Variants in PTPN11 observed in about 807,000 individuals in gnomAD.
The protein encoded by PTPN11 is tyrosine-protein phosphatase non-receptor type 11.
In PTPN11, 6 loss-of-function variants were observed where a neutral mutation model predicts 78.8. The ratio of observed to expected loss-of-function variants is 0.08; its 90% CI spans 0.04 to 0.15. The LOEUF is 0.15. Among genes scored for constraint, PTPN11 ranks in the 10% least tolerant of loss-of-function variants. The pLI is 1.00. For missense variants in PTPN11, 386 were observed against 744.8 expected, an observed-to-expected ratio of 0.52 and a Z score of 5.61; for synonymous variants, 221 against 263.5, an observed-to-expected ratio of 0.84 and a Z score of 1.56.
intron 4 of PTPN11, 100 bp downstream of exon 4, chr12:112,453,487 CTTTTA>C (rs1192263927): frequency 2.2e-6 from 2 of 899,186 alleles, no homozygotes; most frequent in Non-Finnish European, 1.7e-6. Flanking sequence ...GTCAGATTGT[CTTTTA>C]TTTATTTATT....
chr12:112,483,729 C>T (rs1362628490), intron 10 of PTPN11, among the ~76,000 whole-genome samples: 2 of 152,150 alleles, frequency 1.3e-5, no homozygotes, highest in African/African-American at 4.8e-5. Context: ...GGCCAGTGCC[C>T]AGGGTGCCTG....
chr12:112,421,014 T>C (rs2037515811), intron 1 of PTPN11, among the ~76,000 whole-genome samples: 1 of 152,146 alleles, frequency 6.6e-6, no homozygotes, highest in Non-Finnish European at 1.5e-5. Flanking sequence ...GTCTGGGTAG[T>C]AATAGACCCT....
intron 8 of PTPN11, 50 bp from the exon 9 acceptor site, chr12:112,477,807 C>A (rs754093748): frequency 6.2e-7 from 1 of 1,609,824 alleles, no homozygotes; most frequent in Admixed American, 1.7e-5. Context: ...TTCCTCATGT[C>A]CTGAAAGTAA....
intron 6 of PTPN11, among the ~76,000 whole-genome samples, chr12:112,459,290 C>A (rs2038211236): frequency 6.6e-6 from 1 of 152,068 alleles, no homozygotes. Context: ...TGGAAAATTT[C>A]TATTATATGC....
chr12:112,480,470 G>A (rs1369273921), intron 9 of PTPN11, among the ~76,000 whole-genome samples: 3 of 151,044 alleles, frequency 2.0e-5, no homozygotes, highest in Non-Finnish European at 2.9e-5. Flanking sequence ...GGATTCAAGC[G>A]ATTTTCCTGC....
chr12:112,505,270 C>T (rs1168088131), intron 15 of PTPN11, among the ~76,000 whole-genome samples: 2 of 152,208 alleles, frequency 1.3e-5, no homozygotes, highest in African/African-American at 4.8e-5. Flanking sequence ...ACCGACATCC[C>T]TTCCAGCTCT....
At chr12:112,457,842 C>T (rs1283725888) in intron 6 of PTPN11, among the ~76,000 whole-genome samples, 1 of 152,178 alleles carries the variant, frequency 6.6e-6, no homozygotes, top group African/African-American at 2.4e-5. Flanking sequence ...TGACAGAAAA[C>T]TTCAAAAACA....
At chr12:112,444,106 A>T (rs1737787196) in intron 1 of PTPN11, among the ~76,000 whole-genome samples, 1 of 151,976 alleles carries the variant, frequency 6.6e-6, no homozygotes, top group South Asian at 2.1e-4. Flanking sequence ...TTAAGTTTCA[A>T]CCTCAGGGGA....
chr12:112,493,464 A>G (rs1005683950), intron 13 of PTPN11, among the ~76,000 whole-genome samples: 2 of 148,970 alleles, frequency 1.3e-5, no homozygotes, highest in Non-Finnish European at 3.0e-5. Context: ...GCCACACTGG[A>G]ACCTCTGCCT....
At chr12:112,485,120 A>G (rs1276138541) in intron 10 of PTPN11, among the ~76,000 whole-genome samples, 1 of 151,944 alleles carries the variant, frequency 6.6e-6, no homozygotes, top group Non-Finnish European at 1.5e-5. Flanking sequence ...GATGTGGTAC[A>G]TGCCTGTAGT....
intron 1 of PTPN11, among the ~76,000 whole-genome samples, chr12:112,422,452 A>T (rs1378693289): frequency 6.6e-6 from 1 of 151,554 alleles, no homozygotes. Context: ...GTATTTTCCA[A>T]CTCTTCCTTC....
At chr12:112,483,223 T>C (rs1431496954) in intron 10 of PTPN11, among the ~76,000 whole-genome samples, 2 of 151,446 alleles carry the variant, frequency 1.3e-5, no homozygotes, top group Non-Finnish European at 2.9e-5. Flanking sequence ...AATCTTGTTC[T>C]GTCACCCAGA....
chr12:112,459,908 TACACACACACACACAC>T (rs56846748), intron 6 of PTPN11, among the ~76,000 whole-genome samples: 2 of 146,884 alleles, frequency 1.4e-5, no homozygotes, highest in South Asian at 2.2e-4. Flanking sequence ...TCCTGATTGC[TACACACACACACACAC>T]ACACACACAC....
At chr12:112,457,304 A>T (rs1050233131) in intron 6 of PTPN11, 13 of 350,510 alleles carry the variant, frequency 3.7e-5, no homozygotes, top group Admixed American at 7.2e-5. Context: ...GCTGAGAATG[A>T]TGGTTTCCAG....
intron 11 of PTPN11, 25 bp from the exon 12 acceptor site, chr12:112,488,418 C>T (rs2135914838): frequency 6.3e-7 from 1 of 1,588,930 alleles, no homozygotes; most frequent in Non-Finnish European, 8.6e-7. Flanking sequence ...TCTGTTGTCC[C>T]TGCTTTTTGT....
chr12:112,424,956 T>TTGTGTGTG lies in PTPN11; in HGVS notation c.14+5877_14+5884dup, dbSNP rs34463047. Among the ~76,000 whole-genome samples, 415 of 89,030 alleles carry TTGTGTGTG rather than the reference T, an allele frequency of 4.7e-3. 2 individuals carry two copies. Among genetic ancestry groups the TTGTGTGTG allele is most frequent in the Middle Eastern group, 6.3e-3 (1 of 160 alleles). The allele number at this position is 89,030 out of a possible 152,430, so 58.4% of individuals were successfully genotyped here. On this transcript the variant is annotated intron_variant, in intron 1 of 15. Transcript: ENST00000351677. ...GGCACACACCACCATGTCAGGCTAA[T>TTGTGTGTG]TGTGTGTGTGTGTGTGTGTGTGTGT...
At chr12:112,479,853 T>C (rs1364660018) in intron 9 of PTPN11, among the ~76,000 whole-genome samples, 1 of 152,162 alleles carries the variant, frequency 6.6e-6, no homozygotes, top group East Asian at 1.9e-4. Flanking sequence ...CTCACCACCA[T>C]GTCCTACTCT....
At chr12:112,444,340 GT>G (rs879299025) in intron 1 of PTPN11, among the ~76,000 whole-genome samples, 36 of 146,706 alleles carry the variant, frequency 2.5e-4, no homozygotes, top group African/African-American at 5.2e-4. Flanking sequence ...GTACTTCCAA[GT>G]TTTTTTTTTT....
chr12:112,493,938 A>G (rs2038785152), intron 13 of PTPN11, among the ~76,000 whole-genome samples: 1 of 152,164 alleles, frequency 6.6e-6, no homozygotes, highest in African/African-American at 2.4e-5. Flanking sequence ...CTTGCAAATG[A>G]CAGGATTTTC....
Sources: allele counts gnomAD v4.1 joint callset (sites outside exome capture counted in the v4.1 genomes callset), GRCh38; gene constraint gnomAD v4.1.1; transcripts MANE v1.5; gene names NCBI Gene and HGNC (gene_info 2026-07-23, HGNC 2026-07-21).